Variants in SLCO1C1 observed in about 807,000 individuals in gnomAD.
The protein encoded by SLCO1C1 is OAT-RP-5.
In SLCO1C1, 70 loss-of-function variants were observed where a neutral mutation model predicts 76.4. The ratio of observed to expected loss-of-function variants is 0.92; its 90% CI spans 0.76 to 1.12. The LOEUF is 1.12. Among genes scored for constraint, SLCO1C1 ranks in the 50% most tolerant of loss-of-function variants. The pLI is 0.00. For synonymous variants in SLCO1C1, 306 were observed against 286.1 expected (o/e 1.07, Z -0.70); for missense variants, 912 against 823.8 (o/e 1.11, Z -1.31).
At chr12:20,714,152 G>A (rs1258479372) in intron 5 of SLCO1C1, among the ~76,000 whole-genome samples, 3 of 152,172 alleles carry the variant, frequency 2.0e-5, no homozygotes, top group Non-Finnish European at 4.4e-5. Context: ...TTGCCCAAAG[G>A]TGTTCACCTT....
chr12:20,725,087 AAAAT>A (rs1242377824), intron 9 of SLCO1C1, among the ~76,000 whole-genome samples: 4 of 126,214 alleles, frequency 3.2e-5, no homozygotes, highest in South Asian at 2.3e-4. Flanking sequence ...TAAATTATAT[AAAAT>A]AATATATACA....
intron 3 of SLCO1C1, among the ~76,000 whole-genome samples, chr12:20,704,442 A>T (rs1946681560): frequency 1.3e-5 from 2 of 151,830 alleles, no homozygotes; most frequent in South Asian, 4.1e-4. Context: ...ATTGTGGTAC[A>T]TTAACAAACA....
At chr12:20,717,788 G>T (rs994336790) in intron 7 of SLCO1C1, among the ~76,000 whole-genome samples, 6 of 149,340 alleles carry the variant, frequency 4.0e-5, no homozygotes, top group Non-Finnish European at 7.4e-5. Flanking sequence ...GGAAATAAAT[G>T]GCAAAGGGGA....
At chr12:20,744,927 G>C (rs1948973327) in intron 13 of SLCO1C1, among the ~76,000 whole-genome samples, 1 of 152,138 alleles carries the variant, frequency 6.6e-6, no homozygotes, top group African/African-American at 2.4e-5. Context: ...ACACGTAACA[G>C]AGCTGTAAGG....
intron 11 of SLCO1C1, among the ~76,000 whole-genome samples, 156 bp downstream of exon 11, chr12:20,737,428 C>T (rs1290177111): frequency 6.6e-6 from 1 of 152,114 alleles, no homozygotes; most frequent in Non-Finnish European, 1.5e-5. Context: ...TATAACCATT[C>T]CTAGTGGTAC....
intron 1 of SLCO1C1, among the ~76,000 whole-genome samples, chr12:20,697,924 A>G (rs1356390411): frequency 6.6e-6 from 1 of 152,072 alleles, no homozygotes; most frequent in African/African-American, 2.4e-5. Flanking sequence ...ATTATCGGCT[A>G]TCTTTCCTCA....
At chr12:20,724,659 G>A (rs914429718) in intron 9 of SLCO1C1, among the ~76,000 whole-genome samples, 6 of 147,804 alleles carry the variant, frequency 4.1e-5, no homozygotes, top group African/African-American at 1.5e-4. Flanking sequence ...TTTGTGTCTA[G>A]CTTTTTTCAA....
At chr12:20,716,362 G>A (rs1013014146) in intron 6 of SLCO1C1, among the ~76,000 whole-genome samples, 2 of 152,228 alleles carry the variant, frequency 1.3e-5, no homozygotes, top group African/African-American at 4.8e-5. Context: ...TTCTCTAGGA[G>A]CTCAGGGCTT....
chr12:20,710,529 T>G (rs748608297), intron 4 of SLCO1C1, among the ~76,000 whole-genome samples: 1 of 151,700 alleles, frequency 6.6e-6, no homozygotes, highest in South Asian at 2.1e-4. Context: ...AGTGCAAGAG[T>G]AGAGCCGGGG....
chr12:20,750,720 C>A lies in SLCO1C1; in HGVS notation c.1844C>A (p.Ser615Ter). The A allele has an allele frequency of 1.9e-6, 3 of 1,614,040 alleles. No individual in the cohort carries two copies. Among genetic ancestry groups the A allele is most frequent in the Non-Finnish European group, 2.5e-6 (3 of 1,179,942 alleles). ...PVYFGVLIDT[S>*]CLKWGFKRCG... is the part of the protein sequence containing the mutation. Reference sequence around the variant, plus strand: ...TATTTTGGAGTTTTGATTGATACTTCATGCCTCAAATGGGGATTTAAAAGA... The same window carrying A: ...TATTTTGGAGTTTTGATTGATACTTAATGCCTCAAATGGGGATTTAAAAGA... The change falls in exon 14 of 15, where the codon TCA (serine) becomes TAA (stop). Residue 615 changes from serine to a stop codon, truncating the protein, a stop_gained. Coordinates refer to ENST00000266509, the MANE Select transcript of SLCO1C1 (RefSeq NM_017435.5). LOFTEE classifies it high-confidence loss of function.
chr12:20,750,917 A>T (rs1234184196), intron 14 of SLCO1C1, 125 bp downstream of exon 14: 1 of 1,568,338 alleles, frequency 6.4e-7, no homozygotes, highest in African/African-American at 1.4e-5. Flanking sequence ...TCTAATCAAA[A>T]AGTGTGATCT....
At chr12:20,696,494 T>A (rs1370026400) in intron 1 of SLCO1C1, among the ~76,000 whole-genome samples, 2 of 152,108 alleles carry the variant, frequency 1.3e-5, no homozygotes, top group African/African-American at 4.8e-5. Context: ...GCTCTCTCCA[T>A]TTAAAATCTG....
chr12:20,717,279 A>G, intron 7 of SLCO1C1, 49 bp downstream of exon 7: 1 of 1,410,600 alleles, frequency 7.1e-7, no homozygotes, highest in Non-Finnish European at 9.7e-7. Context: ...TCACTGTAAC[A>G]TTTTTAATGG....
intron 6 of SLCO1C1, among the ~76,000 whole-genome samples, chr12:20,715,594 G>A (rs1947327208): frequency 6.6e-6 from 1 of 152,142 alleles, no homozygotes. Context: ...TTTTTAGTGG[G>A]TTAACTGTAC....
rs1413318665 is a variant in SLCO1C1 at position 20,699,599 on chromosome 12, A to G, written c.23A>G (p.Asn8Ser). 4 of 1,611,862 alleles carry G rather than the reference A, an allele frequency of 2.5e-6. No homozygotes were observed. In the East Asian group the frequency reaches 8.9e-5, roughly 36 times the overall value. MDTSSKE[N>S]IQLFCKTSVQ... Reference sequence around the variant, plus strand: ...ATAATGGACACTTCATCCAAAGAAAATATCCAGTTGTTCTGCAAAACTTCA... The same window carrying G: ...ATAATGGACACTTCATCCAAAGAAAGTATCCAGTTGTTCTGCAAAACTTCA... Residue 8 changes from asparagine to serine, a missense_variant, in exon 2 of 15, where the codon AAT becomes AGT. Transcript: ENST00000266509.
At chr12:20,729,067 A>C (rs1948155592) in intron 9 of SLCO1C1, among the ~76,000 whole-genome samples, 1 of 152,180 alleles carries the variant, frequency 6.6e-6, no homozygotes. Context: ...TTTTTAGATC[A>C]ACACATTTTA....
chr12:20,746,002 A>G (rs1949025447), intron 13 of SLCO1C1, among the ~76,000 whole-genome samples: 1 of 152,166 alleles, frequency 6.6e-6, no homozygotes, highest in African/African-American at 2.4e-5. Context: ...AATCTGTGAT[A>G]TCTAAATATA....
At chr12:20,745,343 A>G (rs1948993459) in intron 13 of SLCO1C1, among the ~76,000 whole-genome samples, 2 of 152,150 alleles carry the variant, frequency 1.3e-5, no homozygotes, top group African/African-American at 4.8e-5. Context: ...AAAAACTTTA[A>G]ATGCCTTAAA....
At chr12:20,701,557 C>T in intron 3 of SLCO1C1, 98 bp downstream of exon 3, 1 of 818,698 alleles carries the variant, frequency 1.2e-6, no homozygotes. Flanking sequence ...TGGGATCAGA[C>T]TCTATTCATA....
Sources: gnomAD v4.1 joint callset for allele counts (sites outside exome capture counted in the v4.1 genomes callset) on GRCh38, gnomAD v4.1.1 for gene constraint, MANE v1.5 for transcripts, NCBI Gene and HGNC (gene_info 2026-07-23, HGNC 2026-07-21) for gene names.